Variants in PLXNA4 observed in about 807,000 individuals in gnomAD.
PLXNA4 encodes the protein plexin A4.
Under a neutral mutation model 191.8 loss-of-function variants are expected in PLXNA4, and 44 were observed. That is an observed-to-expected ratio of 0.23 (90% CI 0.18 to 0.29). PLXNA4 has a LOEUF of 0.29. Among genes scored for constraint, PLXNA4 ranks in the 10% least tolerant of loss-of-function variants. The pLI, the probability that PLXNA4 is intolerant of heterozygous loss-of-function variation, is 1.00. For missense variants in PLXNA4, 1,800 were observed against 2,488.8 expected, an observed-to-expected ratio of 0.72 and a Z score of 5.89; for synonymous variants, 1,082 against 1,009.5, an observed-to-expected ratio of 1.07 and a Z score of -1.36.
At position 132,133,095 on chromosome 7, in the gene PLXNA4, C is replaced by G; in HGVS notation, c.5543G>C (p.Ser1848Thr). ...RMHMNEFNTM[S>T]ALSEIFSYVG... The stretch of plus-strand genomic sequence containing the variant: ...ATAGGAGAAGATCTCTGAGAGTGCA[C>G]TCATGGTGTTGAACTCATTCATGTG... Residue 1848 changes from serine (S) to threonine (T), a missense_variant, in exon 31 of 32, where the codon AGT becomes ACT. Transcript: ENST00000321063. The G allele has an allele frequency of 3.1e-6, 5 of 1,614,190 alleles. No homozygotes were observed. The highest frequency in any genetic ancestry group is 4.2e-6 in the Non-Finnish European group (5 of 1,180,032).
At chr7:132,151,333 A>C (rs1230808422) in intron 25 of PLXNA4, among the ~76,000 whole-genome samples, 1 of 36,412 alleles carries the variant, frequency 2.7e-5, no homozygotes, top group African/African-American at 7.8e-5. Flanking sequence ...GAGGAAGAAG[A>C]AGGAGGAGGA....
intron 21 of PLXNA4, 134 bp from the exon 22 acceptor site, chr7:132,168,706 T>C: frequency 1.1e-5 from 14 of 1,306,288 alleles, no homozygotes; most frequent in Non-Finnish European, 1.4e-5. Flanking sequence ...GCTAATGCTG[T>C]CAAGCCCTTA....
intron 2 of PLXNA4, among the ~76,000 whole-genome samples, chr7:132,604,611 C>T (rs1802888878): frequency 6.6e-6 from 1 of 152,134 alleles, no homozygotes; most frequent in Admixed American, 6.5e-5. Flanking sequence ...CAAGAGATGC[C>T]ACAGGTTCTC....
chr7:132,325,632 C>G (rs542110361), intron 3 of PLXNA4, among the ~76,000 whole-genome samples: 3 of 152,170 alleles, frequency 2.0e-5, no homozygotes, highest in Non-Finnish European at 4.4e-5. Context: ...TGGCTGGCCA[C>G]TACCAGCACA....
intron 4 of PLXNA4, among the ~76,000 whole-genome samples, chr7:132,271,990 A>T (rs1440673705): frequency 6.6e-6 from 1 of 152,232 alleles, no homozygotes; most frequent in Admixed American, 6.5e-5. Context: ...ATTTGGACAG[A>T]AAGTCCCATG....
chr7:132,151,292 AAGAAGAAGGAGGAG>A (rs1477214999), intron 25 of PLXNA4, among the ~76,000 whole-genome samples: 3 of 52,628 alleles, frequency 5.7e-5, no homozygotes, highest in Admixed American at 1.7e-4. Flanking sequence ...GAGGAGGAGG[AAGAAGAAGGAGGAG>A]GAAGAAGGAG....
In PLXNA4 at chr7:132,140,684, A is replaced by G; in HGVS notation, c.5353T>C (p.Ser1785Pro). 1 of 1,614,136 alleles carries G rather than the reference A, an allele frequency of 6.2e-7. No homozygotes were observed. The highest frequency in any genetic ancestry group is 8.5e-7 in the Non-Finnish European group (1 of 1,180,026). Residue 1785 changes from serine to proline, a missense_variant, in exon 30 of 32, where the codon TCA (serine) becomes CCA (proline). Physicochemically the swap from Ser to Pro is moderately conservative, Grantham distance 74. This residue lies in a region of PLXNA4 where 101 missense variants were observed against 182.8 expected (regional missense o/e 0.55). Transcript: ENST00000321063. ...AQTFMDSCST[S>P]EHRLGKDSPS... The stretch of plus-strand genomic sequence containing the variant: ...GAGTCCTTGCCCAGCCGGTGCTCTG[A>G]CGTGGAGCAAGAGTCCATGAAGGTC...
chr7:132,302,755 A>T (rs899114771), intron 3 of PLXNA4, among the ~76,000 whole-genome samples: 1 of 152,042 alleles, frequency 6.6e-6, no homozygotes, highest in Non-Finnish European at 1.5e-5. Flanking sequence ...CATGCCAGAA[A>T]GAAATAGTTG....
At chr7:132,132,481 TGC>T (rs1563048440) in intron 31 of PLXNA4, among the ~76,000 whole-genome samples, 28 of 67,884 alleles carry the variant, frequency 4.1e-4, no homozygotes, top group African/African-American at 1.3e-3. Context: ...TGCTCTGCTC[TGC>T]TCTGCTCTAT....
chr7:132,249,199 C>A (rs1413736020), intron 4 of PLXNA4, among the ~76,000 whole-genome samples: 4 of 152,226 alleles, frequency 2.6e-5, no homozygotes, highest in Non-Finnish European at 5.9e-5. Flanking sequence ...TCACTGGATT[C>A]ATTTTCAGAT....
chr7:132,487,516 C>T (rs570358283), intron 3 of PLXNA4, among the ~76,000 whole-genome samples: 4 of 152,292 alleles, frequency 2.6e-5, no homozygotes, highest in Middle Eastern at 3.4e-3. Context: ...ACTGAAGAAT[C>T]GAGCCATCTG....
intron 1 of PLXNA4, among the ~76,000 whole-genome samples, chr7:132,543,402 T>A (rs1800164690): frequency 6.6e-6 from 1 of 152,218 alleles, no homozygotes; most frequent in Non-Finnish European, 1.5e-5. Context: ...GTCTAATCCC[T>A]CTGATTAGTT....
At chr7:132,577,588 C>G (rs1013150490), upstream of PLXNA4, among the ~76,000 whole-genome samples, 1 of 152,128 alleles carries the variant, frequency 6.6e-6, no homozygotes, top group Non-Finnish European at 1.5e-5. Flanking sequence ...CTTGCCGGCT[C>G]TCCTCCGCAC....
At chr7:132,603,860 T>C (rs920552302) in intron 2 of PLXNA4, among the ~76,000 whole-genome samples, 1 of 74,800 alleles carries the variant, frequency 1.3e-5, no homozygotes, top group Admixed American at 1.2e-4. Flanking sequence ...ATTCTGGCCT[T>C]GAGCAAATCA....
At chr7:132,383,877 C>T in intron 3 of PLXNA4, 1 of 985,412 alleles carries the variant, frequency 1.0e-6, no homozygotes, top group Non-Finnish European at 1.2e-6. Context: ...AACAGCCATG[C>T]TTCAATGCAC....
At chr7:132,298,318 G>A (rs1801182684) in intron 3 of PLXNA4, 96 bp from the exon 4 acceptor site, 8 of 1,471,562 alleles carry the variant, frequency 5.4e-6, no homozygotes, top group Middle Eastern at 2.3e-4. Flanking sequence ...CAAGGGAGAG[G>A]GCATGAGTTC....
intron 4 of PLXNA4, among the ~76,000 whole-genome samples, chr7:132,287,845 C>T (rs1800741185): frequency 6.6e-6 from 1 of 152,164 alleles, no homozygotes; most frequent in Admixed American, 6.6e-5. Flanking sequence ...CACCTTGTGT[C>T]AGGCTACAAC....
rs573370342 is a variant in PLXNA4, at chr7:132,619,431, C to T, written c.-87+26497G>A. ...GAATTTTTCTGTTAATACTTATTTG[C>T]TACTGTTTCATCAGCTTTATTGCTG... is the stretch of plus-strand genomic sequence containing the variant. On this transcript the variant is annotated intron_variant, in intron 2 of 4. Coordinates refer to the PLXNA4 transcript ENST00000378539. Among the ~76,000 whole-genome samples the T allele has an allele frequency of 2.6e-5, 4 of 152,342 alleles. No individual in the cohort carries two copies. In the East Asian group the frequency reaches 7.7e-4, roughly 29 times the overall value.
At chr7:132,420,873 C>T (rs1025779083) in intron 3 of PLXNA4, among the ~76,000 whole-genome samples, 1 of 152,218 alleles carries the variant, frequency 6.6e-6, no homozygotes, top group Non-Finnish European at 1.5e-5. Flanking sequence ...TTGTCTGCCA[C>T]CATGTGAGAT....
Sources: gnomAD v4.1 joint callset for allele counts (sites outside exome capture counted in the v4.1 genomes callset) on GRCh38, gnomAD v4.1.1 for gene constraint, gnomAD v4.1.1 regional missense constraint, MANE v1.5 for transcripts, NCBI Gene and HGNC (gene_info 2026-07-23, HGNC 2026-07-21) for gene names.